CLPB: variants seen among roughly 807,000 people sequenced by gnomAD.
CLPB encodes mitochondrial disaggregase.
A neutral mutation model predicts 78.4 loss-of-function variants in CLPB; 40 were observed. The observed-to-expected ratio is 0.51, with a 90% confidence interval of 0.40 to 0.66. The LOEUF (loss-of-function observed/expected upper bound fraction) is 0.66. Ranked by LOEUF, CLPB falls within the 30% of genes least tolerant of loss-of-function variation. The probability of loss-of-function intolerance (pLI) is 0.00; values close to 1 mark genes in which losing one functional copy is unlikely to be tolerated. For synonymous variants in CLPB, 333 were observed against 348.0 expected (o/e 0.96, Z 0.48); for missense variants, 780 against 886.9 (o/e 0.88, Z 1.53).
At chr11:72,346,618 T>C (rs1950519175) in intron 5 of CLPB, among the ~76,000 whole-genome samples, 2 of 150,444 alleles carry the variant, frequency 1.3e-5, no homozygotes, top group South Asian at 4.2e-4. Context: ...TATGCCACAC[T>C]GGCCAAATAT....
intron 5 of CLPB, among the ~76,000 whole-genome samples, chr11:72,356,354 G>A (rs1240171269): frequency 2.6e-5 from 4 of 151,476 alleles, no homozygotes; most frequent in African/African-American, 9.7e-5. Context: ...ACCCTTTGGA[G>A]AGGGTCAGCT....
At chr11:72,337,183 G>C (rs918151595) in intron 5 of CLPB, 2 of 398,528 alleles carry the variant, frequency 5.0e-6, no homozygotes, top group African/African-American at 4.1e-5. Context: ...CAGAAGAACT[G>C]GGAATAGAGC....
chr11:72,383,394 G>A (rs1332857465), intron 3 of CLPB, among the ~76,000 whole-genome samples: 1 of 151,934 alleles, frequency 6.6e-6, no homozygotes, highest in African/African-American at 2.4e-5. Flanking sequence ...AGCCAGGCGT[G>A]GTGGCGGGCG....
At chr11:72,356,691 G>A (rs1318990003) in intron 5 of CLPB, among the ~76,000 whole-genome samples, 1 of 152,242 alleles carries the variant, frequency 6.6e-6, no homozygotes, top group African/African-American at 2.4e-5. Context: ...CAGGAACCAT[G>A]CCCCTGGAAC....
At chr11:72,341,758 C>A (rs1233441601) in intron 5 of CLPB, among the ~76,000 whole-genome samples, 1 of 152,206 alleles carries the variant, frequency 6.6e-6, no homozygotes, top group Non-Finnish European at 1.5e-5. Context: ...AACCATCATC[C>A]TCATCCTCTC....
chr11:72,357,624 A>C (rs1436668181), intron 5 of CLPB, among the ~76,000 whole-genome samples: 1 of 142,498 alleles, frequency 7.0e-6, no homozygotes. Context: ...TGAACCCGGG[A>C]GGCAGAGGTC....
intron 3 of CLPB, among the ~76,000 whole-genome samples, chr11:72,395,682 C>G (rs928665817): frequency 2.6e-5 from 4 of 152,194 alleles, no homozygotes; most frequent in Non-Finnish European, 5.9e-5. Context: ...GGTAGCCCTA[C>G]TCTACAGCAC....
chr11:72,434,006 C>A (rs946370548), intron 1 of CLPB, 66 bp downstream of exon 1: 4 of 1,558,546 alleles, frequency 2.6e-6, no homozygotes, highest in Non-Finnish European at 2.6e-6. Context: ...CTCCCACCCT[C>A]CTAAGATACG....
chr11:72,372,680 G>C (rs1212371499), intron 4 of CLPB, among the ~76,000 whole-genome samples: 3 of 152,216 alleles, frequency 2.0e-5, no homozygotes, highest in Non-Finnish European at 4.4e-5. Flanking sequence ...TCTGAGGGTA[G>C]GGTCCAGGAA....
At chr11:72,368,781 T>C (rs747145623) in intron 4 of CLPB, among the ~76,000 whole-genome samples, 11 of 152,184 alleles carry the variant, frequency 7.2e-5, no homozygotes, top group Non-Finnish European at 1.2e-4. Flanking sequence ...TTATCCTTTA[T>C]ATAGAGAAGG....
rs1170462702 is a variant in CLPB at position 72,287,780 on chromosome 11, G to A, written c.*5587C>T. On this transcript the variant is annotated 3_prime_UTR_variant, in exon 16 of 16. Coordinates refer to ENST00000538039, the MANE Select transcript of CLPB (RefSeq NM_001258392.3). The stretch of plus-strand genomic sequence containing the variant: ...TGCTGGGAAATTATCCATTTCCTCT[G>A]ATTTCAAATTTGTTGCCATAGAGTT... The A allele has an allele frequency of 2.0e-5, 3 of 152,156 alleles. No individual in the cohort carries two copies. Among genetic ancestry groups the A allele is most frequent in the East Asian group, 3.8e-4 (2 of 5,200 alleles). The allele number at this position is 152,156 out of a possible 1,614,324, so 9.4% of individuals were successfully genotyped here.
At chr11:72,421,473 T>C (rs1229586037) in intron 2 of CLPB, among the ~76,000 whole-genome samples, 1 of 152,184 alleles carries the variant, frequency 6.6e-6, no homozygotes, top group African/African-American at 2.4e-5. Flanking sequence ...GACCGAAGGA[T>C]GAGGAATTTT....
rs1346132479 is a variant in CLPB, at chr11:72,286,557, A to G, written c.*6810T>C. Reference sequence around the variant, plus strand: ...AGTGGTGTGATGTAGGCTCACTACAACCTCTGCCTCCAGGTTCAAGGGATT... The same window carrying G: ...AGTGGTGTGATGTAGGCTCACTACAGCCTCTGCCTCCAGGTTCAAGGGATT... On this transcript the variant is annotated 3_prime_UTR_variant, in exon 16 of 16. Coordinates refer to ENST00000538039, the MANE Select transcript of CLPB (RefSeq NM_001258392.3). The G allele has an allele frequency of 6.6e-6, 1 of 151,974 alleles. No individual in the cohort carries two copies. Among genetic ancestry groups the G allele is most frequent in the Non-Finnish European group, 1.5e-5 (1 of 67,978 alleles). 9.4% of individuals were successfully genotyped at this position (151,974 alleles called of 1,614,324 possible).
chr11:72,360,533 GTTCAAGCGTTTCTCTGCCTTA>G (rs1327822964), intron 4 of CLPB, among the ~76,000 whole-genome samples: 2 of 151,996 alleles, frequency 1.3e-5, no homozygotes, highest in Non-Finnish European at 2.9e-5. Context: ...CTCTACCTCG[GTTCAAGCGTTTCTCTGCCTTA>G]GCCTCCCGAG....
intron 3 of CLPB, among the ~76,000 whole-genome samples, chr11:72,382,476 T>TA (rs1415079661): frequency 6.6e-6 from 1 of 152,114 alleles, no homozygotes; most frequent in African/African-American, 2.4e-5. Flanking sequence ...CCTGTGCACT[T>TA]AGGCTTCAGG....
chr11:72,308,914 G>T lies in CLPB; in HGVS notation c.989-310C>A, dbSNP rs114660990. ...GTGAATGGAGGTGAAGGGGGTGGGG[G>T]ACTGGTGAAGGAGAATTCGAGAGGA... On this transcript the variant is annotated intron_variant, in intron 7 of 15. Coordinates refer to ENST00000538039, the MANE Select transcript of CLPB (RefSeq NM_001258392.3). Among the ~76,000 whole-genome samples the T allele has an allele frequency of 2.9e-3, 443 of 152,254 alleles. 4 individuals are homozygous for T. The highest frequency in any genetic ancestry group is 9.0e-3 in the African/African-American group (375 of 41,538).
intron 3 of CLPB, among the ~76,000 whole-genome samples, chr11:72,393,033 T>TG (rs1310975418): frequency 2.0e-5 from 3 of 152,130 alleles, no homozygotes; most frequent in Non-Finnish European, 4.4e-5. Context: ...TAAAAATCAG[T>TG]GGTGAACCCA....
chr11:72,354,055 G>A (rs1285868630), intron 5 of CLPB, among the ~76,000 whole-genome samples: 1 of 152,016 alleles, frequency 6.6e-6, no homozygotes, highest in African/African-American at 2.4e-5. Context: ...GGAGGTAGGT[G>A]GCGCCACCCC....
chr11:72,419,153 ATC>A (rs1407448533), intron 2 of CLPB, among the ~76,000 whole-genome samples: 1 of 152,238 alleles, frequency 6.6e-6, no homozygotes, highest in Non-Finnish European at 1.5e-5. Context: ...TCTTAGATTC[ATC>A]TCTGTTCCTC....
Sources: gnomAD v4.1 joint callset for allele counts (sites outside exome capture counted in the v4.1 genomes callset) on GRCh38, gnomAD v4.1.1 for gene constraint, MANE v1.5 for transcripts, NCBI Gene and HGNC (gene_info 2026-07-23, HGNC 2026-07-21) for gene names.